The following TMPRSS15 variants were observed in gnomAD, a reference collection of about 807,000 sequenced individuals.
The protein encoded by TMPRSS15 is enteropeptidase.
TMPRSS15 carries 128 observed loss-of-function variants against 125.3 expected under a neutral mutation model. The ratio of observed to expected loss-of-function variants is 1.02; its 90% CI spans 0.89 to 1.18. TMPRSS15 has a LOEUF of 1.18. Among genes scored for constraint, TMPRSS15 ranks in the 50% most tolerant of loss-of-function variants. The pLI, the probability that TMPRSS15 is intolerant of heterozygous loss-of-function variation, is 0.00. For missense variants in TMPRSS15, 1,283 were observed against 1,212.7 expected, an observed-to-expected ratio of 1.06 and a Z score of -0.86; for synonymous variants, 446 against 423.2, an observed-to-expected ratio of 1.05 and a Z score of -0.66.
intron 19 of TMPRSS15, 37 bp downstream of exon 19, chr21:18,297,697 A>T (rs1193163392): frequency 6.8e-7 from 1 of 1,464,194 alleles, no homozygotes; most frequent in Non-Finnish European, 9.6e-7. Context: ...TGCCATGTCT[A>T]TGTACAACTA....
chr21:18,392,005 C>G (rs187003159), intron 3 of TMPRSS15, among the ~76,000 whole-genome samples: 1 of 152,146 alleles, frequency 6.6e-6, no homozygotes, highest in Non-Finnish European at 1.5e-5. Flanking sequence ...GTGGCTGGGA[C>G]GCAGGGCACC....
chr21:18,432,927 C>T (rs1262739021), intron 1 of TMPRSS15, among the ~76,000 whole-genome samples: 1 of 151,876 alleles, frequency 6.6e-6, no homozygotes, highest in Non-Finnish European at 1.5e-5. Flanking sequence ...AAAGTGGGGA[C>T]TAATTATTTG....
intron 3 of TMPRSS15, among the ~76,000 whole-genome samples, chr21:18,389,302 T>G (rs2075972120): frequency 6.6e-6 from 1 of 151,960 alleles, no homozygotes. Context: ...CCTTTTTGCA[T>G]AAAAAGATAA....
At chr21:18,303,175 C>T (rs1315929160) in intron 18 of TMPRSS15, among the ~76,000 whole-genome samples, 1 of 152,090 alleles carries the variant, frequency 6.6e-6, no homozygotes, top group Non-Finnish European at 1.5e-5. Context: ...ATTACACCGA[C>T]CTTTCATGTT....
intron 21 of TMPRSS15, among the ~76,000 whole-genome samples, chr21:18,292,182 T>C (rs1029445518): frequency 6.6e-6 from 1 of 152,226 alleles, no homozygotes. Flanking sequence ...AATGGAATAA[T>C]AAATTTTGTC....
intron 5 of TMPRSS15, 85 bp from the exon 6 acceptor site, chr21:18,372,409 T>G (rs1239473393): frequency 4.1e-6 from 5 of 1,210,782 alleles, no homozygotes; most frequent in African/African-American, 3.0e-5. Context: ...GCCACTGGGG[T>G]TCTTACTTAT....
chr21:18,380,066 A>G lies in TMPRSS15; in HGVS notation c.497-748T>C, dbSNP rs183511125. Reference sequence around the variant, plus strand: ...TGAATTCTCCTTTCCAAAGTGAAATATATTCTGAAAGTGGTCTTTCTTTAT... The same window carrying G: ...TGAATTCTCCTTTCCAAAGTGAAATGTATTCTGAAAGTGGTCTTTCTTTAT... On this transcript the variant is annotated intron_variant, in intron 4 of 24. Transcript: ENST00000284885. 3.6e-3 allele frequency among the ~76,000 whole-genome samples: 553 copies of G among 151,964 alleles called. 3 individuals carry two copies. The highest frequency in any genetic ancestry group is 0.013 in the African/African-American group (532 of 41,482).
intron 24 of TMPRSS15, among the ~76,000 whole-genome samples, chr21:18,272,064 T>G (rs927718186): frequency 6.6e-6 from 1 of 152,168 alleles, no homozygotes; most frequent in Admixed American, 6.5e-5. Flanking sequence ...GTCTTTACAG[T>G]ACAATGATTT....
At chr21:18,476,456 G>C (rs1978882129) in intron 1 of TMPRSS15, among the ~76,000 whole-genome samples, 1 of 152,000 alleles carries the variant, frequency 6.6e-6, no homozygotes, top group Admixed American at 6.6e-5. Context: ...AAAGAGACAA[G>C]CTTTTGGGGG....
intron 12 of TMPRSS15, among the ~76,000 whole-genome samples, chr21:18,342,799 G>A (rs749252362): frequency 9.9e-5 from 15 of 152,136 alleles, no homozygotes; most frequent in African/African-American, 1.4e-4. Flanking sequence ...ACCAAGTCAC[G>A]GGGAAAATCT....
At chr21:18,462,705 G>C (rs1267582237) in intron 1 of TMPRSS15, among the ~76,000 whole-genome samples, 1 of 151,944 alleles carries the variant, frequency 6.6e-6, no homozygotes, top group Non-Finnish European at 1.5e-5. Flanking sequence ...AAAAAAAATT[G>C]CTTGCCTAAA....
intron 21 of TMPRSS15, among the ~76,000 whole-genome samples, chr21:18,293,358 T>C (rs1181286111): frequency 6.6e-6 from 1 of 152,146 alleles, no homozygotes; most frequent in Non-Finnish European, 1.5e-5. Flanking sequence ...CATGGTTCTT[T>C]CCTCTGAGGT....
At chr21:18,447,941 GTC>G (rs1307279570) in intron 1 of TMPRSS15, among the ~76,000 whole-genome samples, 1 of 152,078 alleles carries the variant, frequency 6.6e-6, no homozygotes, top group Non-Finnish European at 1.5e-5. Flanking sequence ...CTGTTAGAAT[GTC>G]TGTTTTCAAA....
intron 18 of TMPRSS15, among the ~76,000 whole-genome samples, chr21:18,300,742 C>G (rs1353137639): frequency 6.6e-6 from 1 of 152,072 alleles, no homozygotes; most frequent in African/African-American, 2.4e-5. Flanking sequence ...TTTAAGCAAG[C>G]CTATTTATGA....
At chr21:18,418,819 G>T (rs1270477714) in intron 1 of TMPRSS15, among the ~76,000 whole-genome samples, 1 of 152,164 alleles carries the variant, frequency 6.6e-6, no homozygotes, top group Non-Finnish European at 1.5e-5. Flanking sequence ...TTGTGACAAT[G>T]GCTGTTGATT....
chr21:18,314,978 T>C (rs531262945), intron 17 of TMPRSS15, among the ~76,000 whole-genome samples, 168 bp downstream of exon 17: 1 of 152,328 alleles, frequency 6.6e-6, no homozygotes, highest in East Asian at 1.9e-4. Context: ...ACTTTTCTTC[T>C]ATCCAGATGG....
intron 21 of TMPRSS15, among the ~76,000 whole-genome samples, chr21:18,281,992 G>A (rs186721696): frequency 1.3e-5 from 2 of 151,230 alleles, no homozygotes; most frequent in Non-Finnish European, 2.9e-5. Flanking sequence ...AGCTACTTCG[G>A]GGGGCAGAGG....
In TMPRSS15 at chr21:18,372,332, A is replaced by C. The variant is rs2075800408; in HGVS notation, c.533-8T>G. On this transcript the variant is annotated splice_polypyrimidine_tract_variant and splice_region_variant and intron_variant, in intron 5 of 24. Transcript: ENST00000284885. ...ACTCTATTGAGACATTTCCTTTAAA[A>C]AATAACTGAAATTAATTTCCAATTG... 1 of 1,611,536 alleles carries C rather than the reference A, an allele frequency of 6.2e-7. No individual in the cohort carries two copies. The highest frequency in any genetic ancestry group is 8.5e-7 in the Non-Finnish European group (1 of 1,178,174).
At chr21:18,292,667 G>A (rs1250540167) in intron 21 of TMPRSS15, among the ~76,000 whole-genome samples, 2 of 152,134 alleles carry the variant, frequency 1.3e-5, no homozygotes, top group Non-Finnish European at 1.5e-5. Flanking sequence ...ATATAGCAAG[G>A]TTGCTAACTT....
Sources: gnomAD v4.1 joint callset for allele counts (sites outside exome capture counted in the v4.1 genomes callset) on GRCh38, gnomAD v4.1.1 for gene constraint, MANE v1.5 for transcripts, NCBI Gene and HGNC (gene_info 2026-07-23, HGNC 2026-07-21) for gene names.